INO80: variants seen among roughly 807,000 people sequenced by gnomAD.
The protein encoded by INO80 is chromatin-remodeling ATPase INO80.
INO80 carries 20 observed loss-of-function variants against 203.4 expected under a neutral mutation model. The ratio of observed to expected loss-of-function variants is 0.10; its 90% confidence interval spans 0.07 to 0.14. The LOEUF is 0.14. Among genes scored for constraint, INO80 ranks in the 10% least tolerant of loss-of-function variants. The pLI, the probability that INO80 is intolerant of heterozygous loss-of-function variation, is 1.00. For synonymous variants in INO80, 726 were observed against 685.2 expected (o/e 1.06, Z -0.93); for missense variants, 1,419 against 1,914.4 (o/e 0.74, Z 4.83).
chr15:40,993,447 A>C (rs1438667096), intron 29 of INO80, among the ~76,000 whole-genome samples: 1 of 152,102 alleles, frequency 6.6e-6, no homozygotes, highest in Non-Finnish European at 1.5e-5. Context: ...TATCATCTAC[A>C]ACCTGATGAT....
intron 9 of INO80, among the ~76,000 whole-genome samples, chr15:41,075,944 CAA>C (rs2071184762): frequency 1.3e-5 from 2 of 152,046 alleles, no homozygotes; most frequent in African/African-American, 4.8e-5. Context: ...AAATAGCTGA[CAA>C]AGAGCTATAA....
chr15:41,090,647 A>T (rs2045623710), intron 5 of INO80, among the ~76,000 whole-genome samples: 1 of 152,186 alleles, frequency 6.6e-6, no homozygotes, highest in Non-Finnish European at 1.5e-5. Context: ...GAGGGGCAAC[A>T]GCTAAGAGGC....
chr15:41,044,597 G>A (rs189734922), intron 24 of INO80, among the ~76,000 whole-genome samples: 114 of 152,202 alleles, frequency 7.5e-4, no homozygotes, highest in African/African-American at 2.6e-3. Flanking sequence ...GGAGCTGGAA[G>A]TATTCTATAT....
rs762074842 is a variant in INO80, at chr15:40,983,087, C to T, written c.4238-10G>A. 23 of 1,566,930 alleles carry T rather than the reference C, an allele frequency of 1.5e-5. No individual in the cohort carries two copies. In the African/African-American group the frequency reaches 2.8e-4, roughly 19 times the overall value. ...TCCTGAATGGAAATTCCTGTGGGAA[C>T]AAATGGGCCAAAAGGGAAAGAAAAA... On this transcript the variant is annotated splice_polypyrimidine_tract_variant and intron_variant, in intron 34 of 35. Transcript: ENST00000648947.
intron 31 of INO80, among the ~76,000 whole-genome samples, chr15:40,985,906 TA>T (rs572635261): frequency 7.3e-5 from 11 of 151,668 alleles, no homozygotes; most frequent in Non-Finnish European, 1.5e-4. Flanking sequence ...AAACTCTGTC[TA>T]AAAAAAAATT....
At position 41,074,363 on chromosome 15, in the gene INO80, G is replaced by A; in HGVS notation, c.1327+7C>T. On this transcript the variant is annotated splice_region_variant and intron_variant, in intron 10 of 35. Transcript: ENST00000648947. Reference sequence around the variant, plus strand: ...AGCCTTCCTCTAAGTCCTGACTGAGGACTCACCATAATCCTCCTGTGTGAT... The same window carrying A: ...AGCCTTCCTCTAAGTCCTGACTGAGAACTCACCATAATCCTCCTGTGTGAT... The A allele has an allele frequency of 6.3e-7, 1 of 1,592,426 alleles. No individual in the cohort carries two copies. Among genetic ancestry groups the A allele is most frequent in the Non-Finnish European group, 8.6e-7 (1 of 1,167,426 alleles).
intron 6 of INO80, among the ~76,000 whole-genome samples, chr15:41,086,798 C>A (rs951989543): frequency 2.0e-5 from 3 of 152,090 alleles, no homozygotes; most frequent in African/African-American, 7.2e-5. Flanking sequence ...GGCAAACATG[C>A]AAACAAACAC....
At chr15:41,008,164 T>C (rs1192546547) in intron 27 of INO80, among the ~76,000 whole-genome samples, 1 of 151,392 alleles carries the variant, frequency 6.6e-6, no homozygotes, top group Non-Finnish European at 1.5e-5. Context: ...AACAGGGTGA[T>C]TGTCTCAAAA....
chr15:41,092,046 T>C lies in INO80; in HGVS notation c.518A>G (p.Lys173Arg), dbSNP rs750759862. ...LHKYKKLHQN[K>R]YSKDKELQQY... ...TCTTACCTCCTTGTCTTTACTATAC[T>C]TATTTTGGTGAAGTTTCTTATATTT... is the stretch of plus-strand genomic sequence containing the variant. Residue 173 changes from lysine (K) to arginine (R), a missense_variant, in exon 5 of 36, where the codon AAG (lysine) becomes AGG (arginine). Physicochemically the swap from Lys to Arg is conservative, Grantham distance 26. Around this residue, in one of 9 missense-constraint regions of INO80, gnomAD observed 323 missense variants for 325.4 expected, o/e 0.99. Transcript: ENST00000648947. The C allele has an allele frequency of 1.2e-6, 2 of 1,609,714 alleles. No homozygotes were observed. Among genetic ancestry groups the C allele is most frequent in the East Asian group, 2.2e-5 (1 of 44,814 alleles).
intron 16 of INO80, 133 bp from the exon 17 acceptor site, chr15:41,056,839 A>G: frequency 1.5e-6 from 1 of 666,056 alleles, no homozygotes; most frequent in Non-Finnish European, 2.6e-6. Context: ...TCATGTATTC[A>G]ACTGAAAAAC....
chr15:41,025,810 C>A (rs2044367142), intron 25 of INO80, among the ~76,000 whole-genome samples: 1 of 152,172 alleles, frequency 6.6e-6, no homozygotes, highest in African/African-American at 2.4e-5. Flanking sequence ...GAAATCTAAA[C>A]TTCCTTTTAT....
intron 14 of INO80, among the ~76,000 whole-genome samples, chr15:41,060,781 T>C (rs182205109): frequency 6.6e-5 from 10 of 151,970 alleles, no homozygotes; most frequent in African/African-American, 1.9e-4. Context: ...TTTGAATAAT[T>C]TGCATCCCCA....
chr15:41,047,849 T>G (rs560139389), intron 22 of INO80, among the ~76,000 whole-genome samples: 60 of 152,272 alleles, frequency 3.9e-4, no homozygotes, highest in Non-Finnish European at 7.6e-4. Flanking sequence ...CCTTAATATT[T>G]TGGACAATGA....
At chr15:41,037,230 C>T (rs1403160298) in intron 24 of INO80, among the ~76,000 whole-genome samples, 2 of 151,112 alleles carry the variant, frequency 1.3e-5, no homozygotes, top group Admixed American at 1.3e-4. Flanking sequence ...AGCTTAAGGC[C>T]GGGCACGATG....
intron 5 of INO80, among the ~76,000 whole-genome samples, chr15:41,087,911 C>G (rs535524768): frequency 6.6e-6 from 1 of 151,912 alleles, no homozygotes; most frequent in Non-Finnish European, 1.5e-5. Flanking sequence ...TTTAAGAAAG[C>G]AAAACTCTTC....
intron 35 of INO80, among the ~76,000 whole-genome samples, chr15:40,980,719 T>C (rs894998502): frequency 6.6e-6 from 1 of 152,220 alleles, no homozygotes; most frequent in South Asian, 2.1e-4. Flanking sequence ...ACACTCTAGA[T>C]AGAGCACACA....
In INO80 at chr15:40,979,192, CCCGGAGGTA is replaced by C. The variant is rs1893718211; in HGVS notation, c.*1022_*1030del. The C allele has an allele frequency of 6.6e-6, 1 of 152,620 alleles. No individual in the cohort carries two copies. The highest frequency in any genetic ancestry group is 1.5e-5 in the Non-Finnish European group (1 of 68,040). The allele number at this position is 152,620 out of a possible 1,614,324, so 9.5% of individuals were successfully genotyped here. A position where few individuals can be genotyped will look rare whatever the true frequency, so the allele number is the denominator to read the frequency against. ...GGTGTGCAAATCAGAGGCTTGCCCG[CCCGGAGGTA>C]CCTGCTCCACCAGGGACATCAGGCA... On this transcript the variant is annotated 3_prime_UTR_variant, in exon 36 of 36. Transcript: ENST00000648947.
At chr15:40,994,883 T>C (rs2140423852) in intron 29 of INO80, among the ~76,000 whole-genome samples, 1 of 152,272 alleles carries the variant, frequency 6.6e-6, no homozygotes, top group South Asian at 2.1e-4. Context: ...CTGTTCCAGG[T>C]ACTAGAAATA....
chr15:41,005,782 T>C, intron 27 of INO80, 95 bp from the exon 28 acceptor site: 1 of 634,574 alleles, frequency 1.6e-6, no homozygotes. Flanking sequence ...TTGTCCACAC[T>C]GGAGGCAAGC....
Sources: gnomAD v4.1 joint callset for allele counts (sites outside exome capture counted in the v4.1 genomes callset) on GRCh38, gnomAD v4.1.1 for gene constraint, gnomAD v4.1.1 regional missense constraint, MANE v1.5 for transcripts, NCBI Gene and HGNC (gene_info 2026-07-23, HGNC 2026-07-21) for gene names.